The following SAFB variants were observed in gnomAD, a reference collection of about 807,000 sequenced individuals.
The protein encoded by SAFB is scaffold attachment factor B.
SAFB carries 15 observed loss-of-function variants against 101.6 expected under a neutral mutation model. That is an observed-to-expected ratio of 0.15 (90% CI 0.10 to 0.23). The LOEUF is 0.23. SAFB is among the 10% of genes least tolerant of loss of function. The pLI is 1.00. For synonymous variants in SAFB, 449 were observed against 407.5 expected, an observed-to-expected ratio of 1.10 and a Z score of -1.23; for missense variants, 930 against 1,104.1, an observed-to-expected ratio of 0.84 and a Z score of 2.23.
In SAFB at chr19:5,657,420, T is replaced by A. The variant is rs978380139; in HGVS notation, c.1862+73T>A. On this transcript the variant is annotated intron_variant, in intron 14 of 20. Coordinates refer to ENST00000588852, the MANE Select transcript of SAFB (RefSeq NM_001201338.2). ...CATGACTGTCTTCTGGAAGGATGTT[T>A]GCAGAGTTCCCTGGGGTGGGATAGA... is the stretch of plus-strand genomic sequence containing the variant. 14 of 1,032,930 alleles carry A rather than the reference T, an allele frequency of 1.4e-5. No individual in the cohort carries two copies. The African/African-American group carries it at 2.2e-4, about 16-fold the overall frequency. 64.0% of individuals were successfully genotyped at this position (1,032,930 alleles called of 1,614,324 possible). A position where few individuals can be genotyped will look rare whatever the true frequency, so the allele number is the denominator to read the frequency against.
At chr19:5,638,043 A>G (rs2436499) in intron 2 of SAFB, among the ~76,000 whole-genome samples, 9,058 of 152,202 alleles carry the variant, frequency 0.06, 312 homozygotes, top group Middle Eastern at 0.12. Flanking sequence ...CATCGTTTAC[A>G]TTTTTCTATT....
intron 4 of SAFB, among the ~76,000 whole-genome samples, chr19:5,644,552 T>A (rs2053787081): frequency 6.6e-6 from 1 of 152,220 alleles, no homozygotes. Context: ...TGGTTTTCAG[T>A]GAATGGGCTT....
chr19:5,667,195 C>A lies in SAFB; in HGVS notation c.2453+31C>A, dbSNP rs1195852889. The A allele has an allele frequency of 1.0e-5, 13 of 1,267,848 alleles. No individual in the cohort carries two copies. The highest frequency in any genetic ancestry group is 1.8e-5 in the African/African-American group (1 of 55,182). The allele number at this position is 1,267,848 out of a possible 1,614,324, so 78.5% of individuals were successfully genotyped here. A position where few individuals can be genotyped will look rare whatever the true frequency, so the allele number is the denominator to read the frequency against. ...TGTCCCACACCCGACAGTACCTGAC[C>A]CCCCCCCCGCCCACAAGGGGGCCCG... On this transcript the variant is annotated intron_variant, in intron 18 of 20. Coordinates refer to ENST00000588852, the MANE Select transcript of SAFB (RefSeq NM_001201338.2). The surrounding 1 kb of genome is among the most constrained non-coding windows in gnomAD (Gnocchi z 4.0).
intron 4 of SAFB, among the ~76,000 whole-genome samples, chr19:5,642,370 C>T (rs2053734668): frequency 6.6e-6 from 1 of 152,008 alleles, no homozygotes; most frequent in Non-Finnish European, 1.5e-5. Context: ...AGGAGCAGCC[C>T]AGGAGTTCAA....
chr19:5,653,949 C>A, intron 11 of SAFB, 112 bp from the exon 12 acceptor site: 1 of 890,372 alleles, frequency 1.1e-6, no homozygotes, highest in Non-Finnish European at 1.8e-6. Flanking sequence ...CCATGTTGGC[C>A]AGGCTGGTCT....
chr19:5,662,512 A>C (rs895389003), intron 15 of SAFB, among the ~76,000 whole-genome samples: 9 of 151,678 alleles, frequency 5.9e-5, no homozygotes, highest in Non-Finnish European at 1.3e-4. Flanking sequence ...AAAATTAGAG[A>C]CAGGAGGCTG....
At chr19:5,630,767 A>C (rs562036925) in intron 2 of SAFB, among the ~76,000 whole-genome samples, 240 of 152,164 alleles carry the variant, frequency 1.6e-3, no homozygotes, top group African/African-American at 5.6e-3. Flanking sequence ...AAAAAAAAAA[A>C]ACTATATGTA....
chr19:5,661,246 T>A (rs942964028), intron 14 of SAFB, among the ~76,000 whole-genome samples: 1 of 152,098 alleles, frequency 6.6e-6, no homozygotes, highest in Non-Finnish European at 1.5e-5. Context: ...ACTGGCTGTT[T>A]CCTGAAATCA....
rs2053755472 is a variant in SAFB, at chr19:5,642,981, C to T, written c.546+1035C>T. Reference sequence around the variant, plus strand: ...CGCGCCCAGCATGTGCCCTTTAATTCTTCTAATAGCAACATGAGGTGCTGT... The same window carrying T: ...CGCGCCCAGCATGTGCCCTTTAATTTTTCTAATAGCAACATGAGGTGCTGT... On this transcript the variant is annotated intron_variant, in intron 4 of 20. Coordinates refer to ENST00000588852, the MANE Select transcript of SAFB (RefSeq NM_001201338.2). Among the ~76,000 whole-genome samples the T allele has an allele frequency of 2.0e-5, 3 of 152,118 alleles. 1 individual carries two copies. Among genetic ancestry groups the T allele is most frequent in the South Asian group, 4.2e-4 (2 of 4,812 alleles).
At chr19:5,634,865 C>T (rs556350520) in intron 2 of SAFB, among the ~76,000 whole-genome samples, 44 of 152,090 alleles carry the variant, frequency 2.9e-4, no homozygotes, top group Non-Finnish European at 6.0e-4. Context: ...CCGCAAGGTG[C>T]GGTGACTCAA....
Position 5,623,393 on chromosome 19 carries a change from A to G in SAFB, c.188A>G (p.Lys63Arg). The G allele has an allele frequency of 6.2e-7, 1 of 1,612,922 alleles. No homozygotes were observed. Among genetic ancestry groups the G allele is most frequent in the Non-Finnish European group, 8.5e-7 (1 of 1,179,018 alleles). ...NKSVLMERLK[K>R]AIEDEGGNPD... ...AGCGTTTTGATGGAGCGGCTGAAGA[A>G]GGTGGATTTGGGGCCCCGAGGGCGG... The change falls in exon 1 of 21, where the codon AAG becomes AGG. Residue 63 changes from lysine to arginine, a missense_variant and splice_region_variant. Lys to Arg is a conservative substitution (Grantham distance 26). Transcript: ENST00000588852.
At chr19:5,627,534 T>G (rs1332643991) in intron 2 of SAFB, among the ~76,000 whole-genome samples, 2 of 152,142 alleles carry the variant, frequency 1.3e-5, no homozygotes, top group Non-Finnish European at 2.9e-5. Flanking sequence ...AAAAACAGAA[T>G]TGTCACTTTA....
chr19:5,652,083 C>G (rs1035360577), intron 9 of SAFB, among the ~76,000 whole-genome samples: 1 of 151,972 alleles, frequency 6.6e-6, no homozygotes, highest in Non-Finnish European at 1.5e-5. Context: ...ATCCCAGGTA[C>G]TTGGGACGCT....
Position 5,654,547 on chromosome 19 carries a change from A to G in SAFB, c.1755+91A>G, listed in dbSNP as rs1568271815. On this transcript the variant is annotated intron_variant, in intron 13 of 20. Coordinates refer to ENST00000588852, the MANE Select transcript of SAFB (RefSeq NM_001201338.2). ...TTAGGGAATTACTAAGCTTCATTTG[A>G]AAAAAGCTTTTGTCGGCCGTTTCGA... The G allele has an allele frequency of 5.9e-6, 5 of 844,386 alleles. No homozygotes were observed. The South Asian group carries it at 7.1e-5, about 12-fold the overall frequency. 52.3% of individuals were successfully genotyped at this position (844,386 alleles called of 1,614,324 possible). A position where few individuals can be genotyped will look rare whatever the true frequency, so the allele number is the denominator to read the frequency against.
rs142940607 is a variant in SAFB at position 5,626,146 on chromosome 19, G to A, written c.190-259G>A. On this transcript the variant is annotated intron_variant, in intron 1 of 20. Coordinates refer to ENST00000588852, the MANE Select transcript of SAFB (RefSeq NM_001201338.2). Reference sequence around the variant, plus strand: ...GGTAAGTACTGTATTATTATTAGCCGCATGTTCCAGAGGAAGAAGCAAAAA... The same window carrying A: ...GGTAAGTACTGTATTATTATTAGCCACATGTTCCAGAGGAAGAAGCAAAAA... Among the ~76,000 whole-genome samples, 26 of 152,180 alleles carry A rather than the reference G, an allele frequency of 1.7e-4. No homozygotes were observed. The East Asian group carries it at 4.1e-3, about 24-fold the overall frequency.
chr19:5,656,030 T>C (rs552505753), intron 13 of SAFB, among the ~76,000 whole-genome samples: 1 of 152,318 alleles, frequency 6.6e-6, no homozygotes, highest in African/African-American at 2.4e-5. Flanking sequence ...CTCTATTAAA[T>C]GTACTGTTAG....
chr19:5,641,117 G>A (rs995740302), intron 2 of SAFB, among the ~76,000 whole-genome samples: 5 of 152,048 alleles, frequency 3.3e-5, no homozygotes, highest in Admixed American at 6.5e-5. Flanking sequence ...TGATCCGCCC[G>A]CCTAGGCCTC....
intron 17 of SAFB, 188 bp from the exon 18 acceptor site, chr19:5,666,857 GC>G (rs1568284289): frequency 2.9e-6 from 2 of 689,964 alleles, no homozygotes; most frequent in African/African-American, 3.5e-5. Flanking sequence ...CAGGCCATGA[GC>G]CTAGGGCACA....
chr19:5,653,272 G>C lies in SAFB; in HGVS notation c.1443+8G>C. ...ATGATCTCCGTGGAGAAAGTGAGTG[G>C]CCGTTTTCTTCCCAGGATATAGCCC... On this transcript the variant is annotated splice_region_variant and intron_variant, in intron 10 of 20. Coordinates refer to ENST00000588852, the MANE Select transcript of SAFB (RefSeq NM_001201338.2). The C allele has an allele frequency of 6.2e-7, 1 of 1,614,110 alleles. No individual in the cohort carries two copies. Among genetic ancestry groups the C allele is most frequent in the South Asian group, 1.1e-5 (1 of 91,080 alleles).
Sources: gnomAD v4.1 joint callset for allele counts (sites outside exome capture counted in the v4.1 genomes callset) on GRCh38, gnomAD v4.1.1 for gene constraint, Gnocchi (gnomAD v3.1) non-coding constraint, MANE v1.5 for transcripts, NCBI Gene and HGNC (gene_info 2026-07-23, HGNC 2026-07-21) for gene names.